The following KLF12 variants were observed in gnomAD, a reference collection of about 807,000 sequenced individuals.
KLF12 encodes the protein KLF transcription factor 12, also known as Krueppel-like factor 12.
A neutral mutation model predicts 37.8 loss-of-function variants in KLF12; 9 were observed. The observed-to-expected ratio is 0.24, with a 90% confidence interval of 0.14 to 0.42. The LOEUF (loss-of-function observed/expected upper bound fraction) is 0.42. Ranked by LOEUF, KLF12 falls within the 10% of genes least tolerant of loss-of-function variation. The pLI, the probability that KLF12 is intolerant of heterozygous loss-of-function variation, is 1.00. For missense variants in KLF12, 411 were observed against 516.0 expected (o/e 0.80, Z 1.97); for synonymous variants, 208 against 202.1 (o/e 1.03, Z -0.25).
At chr13:73,733,008 C>T (rs1487985285) in intron 6 of KLF12, among the ~76,000 whole-genome samples, 8 of 152,244 alleles carry the variant, frequency 5.3e-5, no homozygotes, top group East Asian at 1.9e-4. Context: ...ACCTCTAAAA[C>T]GTATCTCAAA....
the KLF12 span, among the ~76,000 whole-genome samples, chr13:74,142,710 C>A: frequency 6.6e-6 from 1 of 151,964 alleles, no homozygotes; most frequent in Non-Finnish European, 1.5e-5. Flanking sequence ...TTCTGGGTAC[C>A]CTATGATACC....
the KLF12 span, among the ~76,000 whole-genome samples, chr13:74,300,142 G>T: frequency 1.3e-5 from 2 of 152,094 alleles, no homozygotes; most frequent in Admixed American, 1.3e-4. Context: ...AGGAACTTAC[G>T]CAGAAAAAAT....
At chr13:74,054,028 A>T (rs890248837) in intron 1 of KLF12, among the ~76,000 whole-genome samples, 2 of 152,138 alleles carry the variant, frequency 1.3e-5, no homozygotes, top group African/African-American at 4.8e-5. Flanking sequence ...ATGAAATCCC[A>T]CTCTCAAGAA....
At chr13:73,960,013 T>C (rs1348520944) in intron 2 of KLF12, among the ~76,000 whole-genome samples, 1 of 152,042 alleles carries the variant, frequency 6.6e-6, no homozygotes, top group Non-Finnish European at 1.5e-5. Context: ...CATAAATAGA[T>C]GAGAAACATC....
the KLF12 span, among the ~76,000 whole-genome samples, chr13:74,186,120 C>T: frequency 1.3e-5 from 2 of 152,014 alleles, no homozygotes; most frequent in African/African-American, 4.8e-5. Flanking sequence ...ATACCAATTG[C>T]CAGGCTCTTC....
chr13:74,101,010 C>T (rs917829890), intron 1 of KLF12, among the ~76,000 whole-genome samples: 1 of 152,132 alleles, frequency 6.6e-6, no homozygotes, highest in African/African-American at 2.4e-5. Context: ...AATCTGAAGG[C>T]CATCACCACA....
chr13:73,941,846 G>T (rs986570449), intron 3 of KLF12, among the ~76,000 whole-genome samples: 20 of 150,640 alleles, frequency 1.3e-4, no homozygotes, highest in Admixed American at 1.3e-3. Flanking sequence ...TAAACCCAAA[G>T]GAAAAAAAAA....
At chr13:74,024,270 A>G (rs1892916561) in intron 1 of KLF12, among the ~76,000 whole-genome samples, 1 of 152,258 alleles carries the variant, frequency 6.6e-6, no homozygotes, top group South Asian at 2.1e-4. Context: ...TTTCAGGAGA[A>G]AATACATTCT....
chr13:73,784,787 T>C (rs1881213646), intron 5 of KLF12, among the ~76,000 whole-genome samples: 1 of 151,900 alleles, frequency 6.6e-6, no homozygotes. Flanking sequence ...CCCCCCACCA[T>C]GCCCGGCTAG....
the KLF12 span, among the ~76,000 whole-genome samples, chr13:74,265,886 A>T: frequency 6.6e-6 from 1 of 152,256 alleles, no homozygotes; most frequent in South Asian, 2.1e-4. Flanking sequence ...TTCCCATAGA[A>T]TCTGAGAGAT....
intron 6 of KLF12, among the ~76,000 whole-genome samples, chr13:73,756,212 G>A (rs984810106): frequency 6.6e-6 from 1 of 152,148 alleles, no homozygotes; most frequent in African/African-American, 2.4e-5. Context: ...TTTAGCATAA[G>A]TGAGAAATTT....
intron 3 of KLF12, among the ~76,000 whole-genome samples, chr13:73,935,727 A>G (rs1050916209): frequency 3.3e-5 from 5 of 152,248 alleles, no homozygotes; most frequent in Non-Finnish European, 5.9e-5. Context: ...TCCCGAGCTC[A>G]AGCAATCCTC....
At chr13:73,761,274 G>A (rs1879532187) in intron 6 of KLF12, among the ~76,000 whole-genome samples, 1 of 152,138 alleles carries the variant, frequency 6.6e-6, no homozygotes, top group Non-Finnish European at 1.5e-5. Context: ...GGTTTATAAT[G>A]TGAAGGGTAG....
chr13:73,708,375 AT>A (rs1439872055), intron 7 of KLF12, among the ~76,000 whole-genome samples: 3 of 152,190 alleles, frequency 2.0e-5, no homozygotes, highest in Admixed American at 6.5e-5. Flanking sequence ...ATTTTTACAT[AT>A]TGTAATTCCT....
intron 6 of KLF12, among the ~76,000 whole-genome samples, chr13:73,742,180 C>T (rs760532125): frequency 2.0e-5 from 3 of 152,058 alleles, no homozygotes; most frequent in East Asian, 1.9e-4. Context: ...CAAAGGGCAG[C>T]GCTTATTTAC....
chr13:73,701,073 T>C (rs1461980785), intron 7 of KLF12, among the ~76,000 whole-genome samples: 1 of 152,058 alleles, frequency 6.6e-6, no homozygotes, highest in African/African-American at 2.4e-5. Context: ...TGCTAGAAAA[T>C]AGAAAGCTAA....
intron 2 of KLF12, among the ~76,000 whole-genome samples, chr13:73,963,623 C>T (rs7997921): frequency 0.81 from 123,891 of 152,116 alleles, 51,507 homozygotes; most frequent in Non-Finnish European, 0.91. Context: ...GGAAAAATAA[C>T]TCCAATTTTC....
At chr13:73,919,316 T>C (rs1317059129) in intron 3 of KLF12, among the ~76,000 whole-genome samples, 1 of 152,154 alleles carries the variant, frequency 6.6e-6, no homozygotes, top group Admixed American at 6.5e-5. Context: ...GCTAACCCCA[T>C]GACAGAGGAG....
chr13:73,815,955 T>C (rs991141548), intron 4 of KLF12, among the ~76,000 whole-genome samples: 12 of 152,234 alleles, frequency 7.9e-5, no homozygotes, highest in African/African-American at 2.7e-4. Context: ...ATGTTAAATA[T>C]GATATCTTTT....
Sources: gnomAD v4.1 joint callset for allele counts (sites outside exome capture counted in the v4.1 genomes callset) on GRCh38, gnomAD v4.1.1 for gene constraint, MANE v1.5 for transcripts, NCBI Gene and HGNC (gene_info 2026-07-23, HGNC 2026-07-21) for gene names.